Variants in ATXN7L1 observed in about 807,000 individuals in gnomAD.
ATXN7L1 encodes ataxin-7-like protein 1.
In ATXN7L1, 15 loss-of-function variants were observed where a neutral mutation model predicts 70.8. The ratio of observed to expected loss-of-function variants is 0.21; its 90% CI spans 0.14 to 0.33. ATXN7L1 has a LOEUF of 0.33. ATXN7L1 is among the 10% of genes least tolerant of loss of function. The probability of loss-of-function intolerance (pLI) is 1.00; values close to 1 mark genes in which losing one functional copy is unlikely to be tolerated. For missense variants in ATXN7L1, 975 were observed against 1,097.1 expected (o/e 0.89, Z 1.57); for synonymous variants, 440 against 445.1 (o/e 0.99, Z 0.14).
At chr7:105,856,586 C>CAAAA (rs375731226) in intron 2 of ATXN7L1, among the ~76,000 whole-genome samples, 1 of 80,284 alleles carries the variant, frequency 1.2e-5, no homozygotes, top group Non-Finnish European at 2.5e-5. Flanking sequence ...GACTCAGTCT[C>CAAAA]AAAAAAAAAA....
chr7:105,631,125 G>A (rs1018386731), intron 7 of ATXN7L1, among the ~76,000 whole-genome samples: 2 of 152,128 alleles, frequency 1.3e-5, no homozygotes, highest in African/African-American at 2.4e-5. Flanking sequence ...TGTAGCATGC[G>A]GTAGTTTCCT....
intron 2 of ATXN7L1, among the ~76,000 whole-genome samples, chr7:105,822,461 T>A (rs1585087213): frequency 6.6e-6 from 1 of 152,220 alleles, no homozygotes; most frequent in East Asian, 1.9e-4. Flanking sequence ...TTGTCCACCT[T>A]CATATCATTA....
chr7:105,704,863 G>A (rs1467010597), intron 3 of ATXN7L1, among the ~76,000 whole-genome samples: 2 of 151,714 alleles, frequency 1.3e-5, no homozygotes, highest in African/African-American at 2.4e-5. Context: ...TGCCCCCCTT[G>A]GCCTCCCAAA....
intron 3 of ATXN7L1, among the ~76,000 whole-genome samples, chr7:105,712,713 A>G (rs1214544037): frequency 6.6e-6 from 1 of 152,184 alleles, no homozygotes; most frequent in Non-Finnish European, 1.5e-5. Context: ...CCTGGACTTC[A>G]TTGTCAACAT....
intron 3 of ATXN7L1, among the ~76,000 whole-genome samples, chr7:105,733,645 T>TCCACCCATCCAC (rs1563049095): frequency 2.3e-5 from 3 of 131,994 alleles, no homozygotes; most frequent in African/African-American, 3.0e-5. Flanking sequence ...CATCCATCCA[T>TCCACCCATCCAC]CCATCCATCC....
intron 3 of ATXN7L1, among the ~76,000 whole-genome samples, chr7:105,673,202 C>T (rs983555803): frequency 6.6e-6 from 1 of 152,222 alleles, no homozygotes; most frequent in Non-Finnish European, 1.5e-5. Flanking sequence ...ATTCAGTGTT[C>T]CCTTCCCCAT....
intron 5 of ATXN7L1, among the ~76,000 whole-genome samples, 185 bp from the exon 6 acceptor site, chr7:105,639,754 G>A (rs1797901898): frequency 6.6e-6 from 1 of 152,104 alleles, no homozygotes; most frequent in South Asian, 2.1e-4. Flanking sequence ...AGAACCGCTC[G>A]GGGAAAATGG....
At chr7:105,755,952 G>GCC (rs1309090757) in intron 3 of ATXN7L1, among the ~76,000 whole-genome samples, 1 of 152,150 alleles carries the variant, frequency 6.6e-6, no homozygotes, top group Admixed American at 6.5e-5. Flanking sequence ...TCTGCTTGTA[G>GCC]CCACCCACCT....
intron 3 of ATXN7L1, among the ~76,000 whole-genome samples, chr7:105,707,211 C>G (rs1011439542): frequency 6.6e-6 from 1 of 152,090 alleles, no homozygotes; most frequent in Non-Finnish European, 1.5e-5. Context: ...GGCCACCCAA[C>G]CCAGGCGGTG....
chr7:105,782,259 T>A (rs1177628750), intron 3 of ATXN7L1, among the ~76,000 whole-genome samples: 1 of 152,078 alleles, frequency 6.6e-6, no homozygotes, highest in African/African-American at 2.4e-5. Flanking sequence ...GCCTGCAGAG[T>A]GGAACTGGGA....
At chr7:105,716,138 C>G (rs1794516451) in intron 3 of ATXN7L1, among the ~76,000 whole-genome samples, 2 of 152,016 alleles carry the variant, frequency 1.3e-5, no homozygotes, top group Admixed American at 1.3e-4. Flanking sequence ...GTTTTTCAAT[C>G]TGGAGGAGAA....
intron 3 of ATXN7L1, among the ~76,000 whole-genome samples, chr7:105,704,110 A>AACC (rs1377265058): frequency 9.2e-5 from 14 of 152,326 alleles, no homozygotes; most frequent in African/African-American, 3.4e-4. Flanking sequence ...TATGTGGCCA[A>AACC]ACCACTTTAG....
At chr7:105,851,068 A>G (rs1447244538) in intron 2 of ATXN7L1, among the ~76,000 whole-genome samples, 1 of 152,126 alleles carries the variant, frequency 6.6e-6, no homozygotes, top group Non-Finnish European at 1.5e-5. Flanking sequence ...GTATCCCACA[A>G]TGATTTACAA....
At chr7:105,682,085 C>G (rs1057032889) in intron 3 of ATXN7L1, among the ~76,000 whole-genome samples, 1 of 151,884 alleles carries the variant, frequency 6.6e-6, no homozygotes, top group African/African-American at 2.4e-5. Flanking sequence ...ATTAGCTGGG[C>G]GTGGTGGTGT....
intron 3 of ATXN7L1, among the ~76,000 whole-genome samples, chr7:105,680,419 G>C (rs1043392373): frequency 6.6e-6 from 1 of 152,184 alleles, no homozygotes; most frequent in East Asian, 1.9e-4. Flanking sequence ...TTCCCCTCTT[G>C]TTGAGAGAGT....
chr7:105,626,767 G>A (rs1403842081), intron 7 of ATXN7L1, among the ~76,000 whole-genome samples: 14 of 151,320 alleles, frequency 9.3e-5, no homozygotes, highest in Admixed American at 4.6e-4. Flanking sequence ...ATAAAAAAAA[G>A]AAAAAAAACC....
At chr7:105,856,955 T>C (rs1318587039) in intron 2 of ATXN7L1, among the ~76,000 whole-genome samples, 1 of 152,190 alleles carries the variant, frequency 6.6e-6, no homozygotes, top group Non-Finnish European at 1.5e-5. Flanking sequence ...AAAGACGGCA[T>C]GGAGTTAGGC....
chr7:105,631,736 G>C (rs1377761795), intron 7 of ATXN7L1, among the ~76,000 whole-genome samples: 3 of 152,226 alleles, frequency 2.0e-5, no homozygotes, highest in Non-Finnish European at 2.9e-5. Flanking sequence ...CAAAGTGCTA[G>C]GATTACAGGC....
At chr7:105,685,088 A>AATAATAAG (rs1563001698) in intron 3 of ATXN7L1, among the ~76,000 whole-genome samples, 9 of 129,828 alleles carry the variant, frequency 6.9e-5, no homozygotes, top group African/African-American at 2.6e-4. Flanking sequence ...ATAATAATAA[A>AATAATAAG]TGGTTTTCCA....
Sources: allele counts gnomAD v4.1 joint callset (sites outside exome capture counted in the v4.1 genomes callset), GRCh38; gene constraint gnomAD v4.1.1; transcripts MANE v1.5; gene names NCBI Gene and HGNC (gene_info 2026-07-23, HGNC 2026-07-21).